The following PALS1 variants were observed in gnomAD, a reference collection of about 807,000 sequenced individuals.
The protein encoded by PALS1 is protein associated with LIN7 1, MAGUK p55 family member.
PALS1 carries 31 observed loss-of-function variants against 78.9 expected under a neutral mutation model. The observed-to-expected ratio is 0.39, with a 90% confidence interval of 0.30 to 0.53. The LOEUF is 0.53. Among genes scored for constraint, PALS1 ranks in the 20% least tolerant of loss-of-function variants. PALS1 has a pLI of 0.67. For missense variants in PALS1, 704 were observed against 826.5 expected (o/e 0.85, Z 1.82); for synonymous variants, 276 against 270.9 (o/e 1.02, Z -0.18).
chr14:67,250,090 A>G (rs542676175), intron 1 of PALS1, among the ~76,000 whole-genome samples: 1 of 152,324 alleles, frequency 6.6e-6, no homozygotes, highest in South Asian at 2.1e-4. Flanking sequence ...TGGCACACAA[A>G]TGGGTCACAT....
chr14:67,267,328 G>A (rs1372220884), intron 1 of PALS1, among the ~76,000 whole-genome samples: 2 of 151,862 alleles, frequency 1.3e-5, no homozygotes, highest in African/African-American at 2.4e-5. Context: ...GTGCAATCTT[G>A]GCTCACTGCA....
At chr14:67,250,313 G>A (rs1017442173) in intron 1 of PALS1, among the ~76,000 whole-genome samples, 1 of 151,970 alleles carries the variant, frequency 6.6e-6, no homozygotes, top group Non-Finnish European at 1.5e-5. Context: ...GTAAATTATC[G>A]AGAGCTGTGA....
intron 1 of PALS1, among the ~76,000 whole-genome samples, chr14:67,264,633 G>T (rs2140527652): frequency 6.6e-6 from 1 of 152,210 alleles, no homozygotes; most frequent in South Asian, 2.1e-4. Context: ...AATAAAATTT[G>T]TAAATGAATA....
In PALS1 at chr14:67,279,181, C is replaced by T. The variant is rs1346864148; in HGVS notation, c.11C>T (p.Ser4Phe). MTT[S>F]HMNGHVTEES... ...TTTTCATAGATAACCATGACAACAT[C>T]CCATATGAATGGGCATGTTACAGAG... The change falls in exon 3 of 15, where the codon TCC (serine) becomes TTC (phenylalanine). Residue 4 changes from serine to phenylalanine, a missense_variant. Transcript: ENST00000261681. 3 of 1,587,770 alleles carry T rather than the reference C, an allele frequency of 1.9e-6. No individual in the cohort carries two copies. The African/African-American group carries it at 4.1e-5, about 22-fold the overall frequency.
At chr14:67,316,777 AT>A in intron 9 of PALS1, 54 bp from the exon 10 acceptor site, 5 of 1,452,422 alleles carry the variant, frequency 3.4e-6, no homozygotes, top group Non-Finnish European at 4.7e-6. Flanking sequence ...TAAAAAAAAA[AT>A]TCTTATCCTT....
chr14:67,287,986 T>G lies in PALS1; in HGVS notation c.368-4525T>G, dbSNP rs184827277. Among the ~76,000 whole-genome samples the G allele has an allele frequency of 2.2e-3, 339 of 152,286 alleles. 1 individual carries two copies. Among genetic ancestry groups the G allele is most frequent in the Non-Finnish European group, 3.9e-3 (264 of 68,014 alleles). On this transcript the variant is annotated intron_variant, in intron 3 of 14. Coordinates refer to ENST00000261681, the MANE Select transcript of PALS1 (RefSeq NM_022474.4). ...GAGACCCAGTAGGGATACAATTACCTTCTGGGCTGTCTATGGCTGCTTGTT... is the reference window on the plus strand; with the variant it reads ...GAGACCCAGTAGGGATACAATTACCGTCTGGGCTGTCTATGGCTGCTTGTT...
rs2085506630 is a variant in PALS1, at chr14:67,334,905, G to A, written c.*1949G>A. ...TTTTGTGATCCTGCTTATTGTAACT[G>A]ACAACTGTTTTCAACTCCAAGAGCT... On this transcript the variant is annotated 3_prime_UTR_variant, in exon 15 of 15. Transcript: ENST00000261681. 6.6e-6 allele frequency: 1 copy of A among 152,200 alleles called. No homozygotes were observed. The allele number at this position is 152,200 out of a possible 1,614,324, so 9.4% of individuals were successfully genotyped here. A position where few individuals can be genotyped will look rare whatever the true frequency, so the allele number is the denominator to read the frequency against.
At chr14:67,328,056 A>C (rs1241526137) in intron 14 of PALS1, among the ~76,000 whole-genome samples, 1 of 152,198 alleles carries the variant, frequency 6.6e-6, no homozygotes, top group African/African-American at 2.4e-5. Flanking sequence ...AGGAATCACC[A>C]CACTGTCTTC....
chr14:67,292,200 G>C (rs2084782438), intron 3 of PALS1, among the ~76,000 whole-genome samples: 1 of 152,248 alleles, frequency 6.6e-6, no homozygotes, highest in Non-Finnish European at 1.5e-5. Flanking sequence ...ATATTTCTAG[G>C]TGATGGGATT....
chr14:67,264,240 A>G (rs1240051264), intron 1 of PALS1, among the ~76,000 whole-genome samples: 2 of 152,210 alleles, frequency 1.3e-5, no homozygotes, highest in Admixed American at 6.5e-5. Context: ...TGGGGATGAC[A>G]GTGGTATTTA....
intron 1 of PALS1, among the ~76,000 whole-genome samples, chr14:67,257,637 T>TA (rs917328061): frequency 2.0e-5 from 3 of 152,080 alleles, no homozygotes; most frequent in Non-Finnish European, 2.9e-5. Flanking sequence ...ACATAGAACA[T>TA]ACACACGTAT....
At chr14:67,259,867 G>T (rs1371542503) in intron 1 of PALS1, among the ~76,000 whole-genome samples, 1 of 142,504 alleles carries the variant, frequency 7.0e-6, no homozygotes, top group African/African-American at 2.7e-5. Context: ...AGCTATGATT[G>T]TGCTCCATCT....
At chr14:67,269,940 G>C (rs1282225479) in intron 2 of PALS1, 157 bp downstream of exon 2, 1 of 152,248 alleles carries the variant, frequency 6.6e-6, no homozygotes, top group Non-Finnish European at 1.5e-5. Flanking sequence ...ACTTGCTGGA[G>C]AAAGAGGGGA....
At chr14:67,316,724 G>C in intron 9 of PALS1, 108 bp from the exon 10 acceptor site, 1 of 799,284 alleles carries the variant, frequency 1.3e-6, no homozygotes, top group African/African-American at 1.8e-5. Context: ...ATTTGGAAGG[G>C]AATATAAGTG....
chr14:67,293,434 A>G (rs2084802329), intron 4 of PALS1, among the ~76,000 whole-genome samples: 2 of 152,288 alleles, frequency 1.3e-5, no homozygotes, highest in Admixed American at 1.3e-4. Context: ...TTGAATGCCA[A>G]CATGAGCAGA....
chr14:67,288,829 C>T (rs1209066077), intron 3 of PALS1, among the ~76,000 whole-genome samples: 1 of 152,044 alleles, frequency 6.6e-6, no homozygotes, highest in Non-Finnish European at 1.5e-5. Context: ...GCCACAGCTT[C>T]TTAGGTCATT....
At chr14:67,283,598 A>G (rs566174631) in intron 3 of PALS1, among the ~76,000 whole-genome samples, 2 of 152,210 alleles carry the variant, frequency 1.3e-5, no homozygotes, top group South Asian at 4.1e-4. Flanking sequence ...TCCTTCAGGG[A>G]ATTTTTTTTT....
intron 2 of PALS1, among the ~76,000 whole-genome samples, chr14:67,273,336 T>C (rs2084444688): frequency 6.8e-6 from 1 of 147,308 alleles, no homozygotes; most frequent in South Asian, 2.3e-4. Flanking sequence ...AGTGTTCTCA[T>C]TTTTCAATTC....
At chr14:67,305,908 A>G (rs1462713026) in intron 8 of PALS1, among the ~76,000 whole-genome samples, 1 of 152,238 alleles carries the variant, frequency 6.6e-6, no homozygotes, top group Non-Finnish European at 1.5e-5. Context: ...TGGAAAATGA[A>G]GTAGCTTAAA....
Sources: gnomAD v4.1 joint callset for allele counts (sites outside exome capture counted in the v4.1 genomes callset) on GRCh38, gnomAD v4.1.1 for gene constraint, MANE v1.5 for transcripts, NCBI Gene and HGNC (gene_info 2026-07-23, HGNC 2026-07-21) for gene names.